Variants in ANKRD44 observed in about 807,000 individuals in gnomAD.
ANKRD44 encodes ankyrin repeat domain 44, also known as serine/threonine-protein phosphatase 6 regulatory ankyrin repeat subunit B.
Under a neutral mutation model 116.0 loss-of-function variants are expected in ANKRD44, and 35 were observed. The observed-to-expected ratio is 0.30, with a 90% CI of 0.23 to 0.40. The LOEUF (loss-of-function observed/expected upper bound fraction) is 0.40, where lower values mean the gene tolerates loss of function less well. ANKRD44 is among the 10% of genes least tolerant of loss of function. The pLI is 1.00. For missense variants in ANKRD44, 1,014 were observed against 1,242.6 expected, an observed-to-expected ratio of 0.82 and a Z score of 2.77; for synonymous variants, 435 against 461.8, an observed-to-expected ratio of 0.94 and a Z score of 0.74.
At chr2:197,093,685 T>C (rs1280804463) in intron 10 of ANKRD44, among the ~76,000 whole-genome samples, 3 of 152,216 alleles carry the variant, frequency 2.0e-5, no homozygotes, top group Non-Finnish European at 4.4e-5. Context: ...CTGAATCAAT[T>C]CAGGAATGAT....
At chr2:197,106,997 A>T (rs2078447703) in intron 9 of ANKRD44, among the ~76,000 whole-genome samples, 1 of 152,080 alleles carries the variant, frequency 6.6e-6, no homozygotes, top group African/African-American at 2.4e-5. Flanking sequence ...TGCAAATGAA[A>T]TCTCTTTACC....
intron 4 of ANKRD44, 116 bp downstream of exon 4, chr2:197,136,476 C>T: frequency 4.3e-6 from 4 of 933,770 alleles, no homozygotes; most frequent in Non-Finnish European, 6.8e-6. Context: ...TTGGGTAACC[C>T]TCTTACATTA....
intron 10 of ANKRD44, among the ~76,000 whole-genome samples, chr2:197,092,642 C>T (rs2078067748): frequency 6.6e-6 from 1 of 152,118 alleles, no homozygotes; most frequent in Non-Finnish European, 1.5e-5. Flanking sequence ...TCAAGTGATG[C>T]AATTTGCTCA....
intron 14 of ANKRD44, among the ~76,000 whole-genome samples, chr2:197,082,538 T>C (rs1349419764): frequency 6.6e-6 from 1 of 152,192 alleles, no homozygotes; most frequent in Non-Finnish European, 1.5e-5. Flanking sequence ...TTATTTCCAT[T>C]TTACATACTA....
chr2:197,241,227 A>T lies in ANKRD44; in HGVS notation c.28-54121T>A, dbSNP rs140327765. Among the ~76,000 whole-genome samples, 1,377 of 152,338 alleles carry T rather than the reference A, an allele frequency of 9.0e-3. 25 individuals are homozygous for T. The highest frequency in any genetic ancestry group is 0.024 in the Middle Eastern group (7 of 294). ...AAGGAAAATAGAATTAAATTTGTCA[A>T]AGTATGAGGATGCTAATAAATTCTA... On this transcript the variant is annotated intron_variant, in intron 1 of 27. Coordinates refer to ENST00000282272, the MANE Select transcript of ANKRD44 (RefSeq NM_001195144.2).
chr2:197,000,906 C>T (rs534788679), intron 22 of ANKRD44, among the ~76,000 whole-genome samples: 6 of 152,238 alleles, frequency 3.9e-5, no homozygotes, highest in East Asian at 1.9e-4. Context: ...GGCGTGGTGG[C>T]GCGCACCTGT....
chr2:197,137,543 C>T (rs770801375), intron 3 of ANKRD44, among the ~76,000 whole-genome samples: 4 of 152,146 alleles, frequency 2.6e-5, no homozygotes, highest in South Asian at 2.1e-4. Context: ...CATGCGTAAA[C>T]GTGAACTAGA....
intron 2 of ANKRD44, among the ~76,000 whole-genome samples, chr2:197,152,423 A>G (rs1559107183): frequency 6.6e-6 from 1 of 152,242 alleles, no homozygotes; most frequent in African/African-American, 2.4e-5. Context: ...CTAATTCCAC[A>G]TAGTCCTTTG....
chr2:197,048,475 T>C (rs1321298944), intron 16 of ANKRD44, among the ~76,000 whole-genome samples: 4 of 152,350 alleles, frequency 2.6e-5, no homozygotes, highest in Non-Finnish European at 5.9e-5. Context: ...TTGCTGAGAA[T>C]GACGGTTTCC....
chr2:196,996,507 C>A (rs1442557677), intron 25 of ANKRD44, among the ~76,000 whole-genome samples: 1 of 152,138 alleles, frequency 6.6e-6, no homozygotes, highest in Non-Finnish European at 1.5e-5. Flanking sequence ...GTATGGGAGA[C>A]CCTTAAATAT....
chr2:197,031,241 T>C (rs1012508119), intron 16 of ANKRD44, among the ~76,000 whole-genome samples: 2 of 152,078 alleles, frequency 1.3e-5, no homozygotes, highest in African/African-American at 4.8e-5. Context: ...TAGAAATACA[T>C]ACCTTACAAA....
intron 17 of ANKRD44, among the ~76,000 whole-genome samples, chr2:197,022,259 G>T (rs1333421441): frequency 6.6e-6 from 1 of 152,136 alleles, no homozygotes; most frequent in Non-Finnish European, 1.5e-5. Context: ...AGAATAAAAT[G>T]ACTTTAGAAG....
At chr2:196,974,300 C>A (rs1310974623) in intron 21 of ANKRD44, among the ~76,000 whole-genome samples, 1 of 152,054 alleles carries the variant, frequency 6.6e-6, no homozygotes, top group Non-Finnish European at 1.5e-5. Flanking sequence ...CTAGGTTGGT[C>A]TTGAACTCCT....
intron 16 of ANKRD44, 85 bp downstream of exon 16, chr2:197,078,618 A>G (rs745677518): frequency 1.4e-4 from 218 of 1,554,246 alleles, no homozygotes; most frequent in Middle Eastern, 6.8e-4. Context: ...CAGAGCTACA[A>G]CTCTGGAAAA....
chr2:197,265,371 C>T (rs146625062), intron 1 of ANKRD44, among the ~76,000 whole-genome samples: 131 of 151,950 alleles, frequency 8.6e-4, no homozygotes, highest in African/African-American at 3.0e-3. Flanking sequence ...CTCAGCCTCC[C>T]GAATAGCTGG....
chr2:197,234,396 T>C (rs2081934878), intron 1 of ANKRD44, among the ~76,000 whole-genome samples: 1 of 152,212 alleles, frequency 6.6e-6, no homozygotes, highest in Admixed American at 6.5e-5. Context: ...TTTGCCATGT[T>C]GCCCAGGCTG....
At chr2:196,980,463 ATTTAG>A (rs954699197) in intron 21 of ANKRD44, among the ~76,000 whole-genome samples, 33 of 152,244 alleles carry the variant, frequency 2.2e-4, no homozygotes, top group African/African-American at 7.5e-4. Context: ...CTTTCTATTT[ATTTAG>A]TTTAAAATTG....
intron 1 of ANKRD44, among the ~76,000 whole-genome samples, chr2:197,244,259 ACT>A (rs1410212614): frequency 1.3e-5 from 2 of 152,144 alleles, no homozygotes; most frequent in Non-Finnish European, 2.9e-5. Context: ...CTTGGACAAG[ACT>A]CTATTAAGCA....
At chr2:197,292,596 A>G (rs1485879615) in intron 1 of ANKRD44, among the ~76,000 whole-genome samples, 1 of 152,210 alleles carries the variant, frequency 6.6e-6, no homozygotes, top group Non-Finnish European at 1.5e-5. Flanking sequence ...CTTTGTGATG[A>G]AAAACTTTAG....
Sources: allele counts gnomAD v4.1 joint callset (sites outside exome capture counted in the v4.1 genomes callset), GRCh38; gene constraint gnomAD v4.1.1; transcripts MANE v1.5; gene names NCBI Gene and HGNC (gene_info 2026-07-23, HGNC 2026-07-21).